INIP: variants seen among roughly 807,000 people sequenced by gnomAD.
INIP encodes the protein INTS3 and NABP interacting protein, also known as SOSS complex subunit C.
Under a neutral mutation model 14.0 loss-of-function variants are expected in INIP, and 9 were observed. The ratio of observed to expected loss-of-function variants is 0.64; its 90% CI spans 0.39 to 1.12. INIP has a LOEUF of 1.12. Among genes scored for constraint, INIP ranks in the 50% most tolerant of loss-of-function variants. The pLI, the probability that INIP is intolerant of heterozygous loss-of-function variation, is 0.01. For missense variants in INIP, 78 were observed against 122.7 expected (o/e 0.64, Z 1.72); for synonymous variants, 37 against 41.5 (o/e 0.89, Z 0.41).
intron 2 of INIP, among the ~76,000 whole-genome samples, chr9:112,715,819 T>G (rs190480684): frequency 6.6e-6 from 1 of 152,052 alleles, no homozygotes; most frequent in East Asian, 1.9e-4. Flanking sequence ...TTCTAAAAGT[T>G]TTCTATTTTT....
intron 2 of INIP, among the ~76,000 whole-genome samples, chr9:112,700,594 TAAC>T (rs1268488866): frequency 2.0e-5 from 3 of 148,586 alleles, no homozygotes; most frequent in Non-Finnish European, 3.0e-5. Flanking sequence ...TATATAAACA[TAAC>T]TACTACAATT....
At position 112,718,007 on chromosome 9, in the gene INIP, G is replaced by A. The variant is rs564100948; in HGVS notation, c.-77C>T. On this transcript the variant is annotated 5_prime_UTR_variant, in exon 1 of 5. Coordinates refer to ENST00000374242, the MANE Select transcript of INIP (RefSeq NM_021218.3). ...CTTACCTGGGACCCGAGGACACCGG[G>A]ACCGCCTCTCCTTACAATCGCTGCT... is the stretch of plus-strand genomic sequence containing the variant. The A allele has an allele frequency of 6.5e-6, 1 of 152,688 alleles. No individual in the cohort carries two copies. Among genetic ancestry groups the A allele is most frequent in the Non-Finnish European group, 1.5e-5 (1 of 68,076 alleles). The allele number at this position is 152,688 out of a possible 1,614,324, so 9.5% of individuals were successfully genotyped here.
intron 2 of INIP, among the ~76,000 whole-genome samples, chr9:112,702,091 C>T (rs570466934): frequency 2.5e-4 from 38 of 152,194 alleles, no homozygotes; most frequent in Middle Eastern, 6.8e-3. Context: ...TACACACACA[C>T]ACACACATAA....
At chr9:112,691,937 G>A (rs1588073025) in intron 3 of INIP, among the ~76,000 whole-genome samples, 1 of 152,106 alleles carries the variant, frequency 6.6e-6, no homozygotes, top group African/African-American at 2.4e-5. Flanking sequence ...TTGAACATGG[G>A]AGGCAGAGGT....
At chr9:112,701,018 T>A (rs532534212) in intron 2 of INIP, among the ~76,000 whole-genome samples, 4 of 152,156 alleles carry the variant, frequency 2.6e-5, no homozygotes, top group Non-Finnish European at 4.4e-5. Context: ...AACTATATAT[T>A]AATATGGTTA....
chr9:112,717,906 T>C (rs1432214146), intron 1 of INIP, 81 bp downstream of exon 1: 1 of 152,638 alleles, frequency 6.6e-6, no homozygotes, highest in Non-Finnish European at 1.5e-5. Context: ...TCGCTGCCTG[T>C]AGCAACAAAG....
At position 112,704,209 on chromosome 9, in the gene INIP, A is replaced by G. The variant is rs549414391; in HGVS notation, c.26-9976T>C. ...GGCCCTAACACATACAGCAATATGTATTTTTAAAGAAGACGCAGTGGCTGA... is the reference window on the plus strand; with the variant it reads ...GGCCCTAACACATACAGCAATATGTGTTTTTAAAGAAGACGCAGTGGCTGA... On this transcript the variant is annotated intron_variant, in intron 2 of 4. Coordinates refer to ENST00000374242, the MANE Select transcript of INIP (RefSeq NM_021218.3). 1.8e-4 allele frequency among the ~76,000 whole-genome samples: 28 copies of G among 152,318 alleles called. No homozygotes were observed. The South Asian group carries it at 3.7e-3, about 20-fold the overall frequency.
chr9:112,698,383 G>A (rs1838175136), intron 2 of INIP, among the ~76,000 whole-genome samples: 1 of 150,650 alleles, frequency 6.6e-6, no homozygotes, highest in South Asian at 2.1e-4. Context: ...AACACATGAA[G>A]GTTCCATAAT....
intron 2 of INIP, among the ~76,000 whole-genome samples, chr9:112,712,314 G>A (rs1459957859): frequency 2.6e-5 from 4 of 152,190 alleles, no homozygotes; most frequent in East Asian, 1.9e-4. Flanking sequence ...CCCAACACAG[G>A]AGAGACAAGA....
chr9:112,689,724 C>A, intron 3 of INIP, 107 bp from the exon 4 acceptor site: 1 of 733,844 alleles, frequency 1.4e-6, no homozygotes, highest in South Asian at 1.6e-5. Context: ...GTATCCTTGA[C>A]AAAAACTGCA....
chr9:112,702,826 G>A (rs1838343601), intron 2 of INIP, among the ~76,000 whole-genome samples: 1 of 152,124 alleles, frequency 6.6e-6, no homozygotes. Flanking sequence ...GCCTCCCAAA[G>A]TGCTGGGATT....
chr9:112,713,223 C>T (rs1371887501), intron 2 of INIP, among the ~76,000 whole-genome samples: 1 of 152,192 alleles, frequency 6.6e-6, no homozygotes, highest in Non-Finnish European at 1.5e-5. Context: ...CATTTGTCAT[C>T]AAGGAAATGC....
intron 4 of INIP, among the ~76,000 whole-genome samples, chr9:112,688,085 C>CAAATAAATAAAT (rs3033103): frequency 0.017 from 2,444 of 145,714 alleles, 45 homozygotes; most frequent in African/African-American, 0.044. Context: ...GACTCCATCT[C>CAAATAAATAAAT]AAATAAATAA....
chr9:112,694,300 T>C lies in INIP; in HGVS notation c.26-67A>G, dbSNP rs1838002876. Reference sequence around the variant, plus strand: ...AGTAATCAGAAACATTTTAGACCTATTTTTATAACCTAAGTCATCTAGAAC... The same window carrying C: ...AGTAATCAGAAACATTTTAGACCTACTTTTATAACCTAAGTCATCTAGAAC... On this transcript the variant is annotated intron_variant, in intron 2 of 4. Transcript: ENST00000374242. 3 of 932,940 alleles carry C rather than the reference T, an allele frequency of 3.2e-6. No homozygotes were observed. The South Asian group carries it at 4.3e-5, about 13-fold the overall frequency. The allele number at this position is 932,940 out of a possible 1,614,324, so 57.8% of individuals were successfully genotyped here.
At chr9:112,687,677 G>A (rs762378206) in intron 4 of INIP, 44 bp from the exon 5 acceptor site, 3 of 1,148,878 alleles carry the variant, frequency 2.6e-6, no homozygotes, top group Non-Finnish European at 2.5e-6. Context: ...CTATTAAATA[G>A]AGTCACAATT....
chr9:112,700,896 A>T (rs1026131572), intron 2 of INIP, among the ~76,000 whole-genome samples: 8 of 152,122 alleles, frequency 5.3e-5, no homozygotes, highest in Non-Finnish European at 1.0e-4. Context: ...CTATGCAGTG[A>T]GCTATTTTTG....
chr9:112,706,695 A>G (rs1838479934), intron 2 of INIP, among the ~76,000 whole-genome samples: 1 of 152,168 alleles, frequency 6.6e-6, no homozygotes, highest in Non-Finnish European at 1.5e-5. Context: ...ATATAATTCA[A>G]TGCATCTCTT....
intron 2 of INIP, among the ~76,000 whole-genome samples, chr9:112,702,322 T>C (rs1232954151): frequency 6.6e-6 from 1 of 152,176 alleles, no homozygotes; most frequent in Non-Finnish European, 1.5e-5. Flanking sequence ...TTAAAAAGCC[T>C]ATAAAGATAA....
chr9:112,696,829 G>A (rs1480336302), intron 2 of INIP, among the ~76,000 whole-genome samples: 1 of 152,190 alleles, frequency 6.6e-6, no homozygotes, highest in African/African-American at 2.4e-5. Flanking sequence ...CAGATGAAGA[G>A]ATGCATCGGG....
Sources: allele counts gnomAD v4.1 joint callset (sites outside exome capture counted in the v4.1 genomes callset), GRCh38; gene constraint gnomAD v4.1.1; transcripts MANE v1.5; gene names NCBI Gene and HGNC (gene_info 2026-07-23, HGNC 2026-07-21).